SNX30: variants seen among roughly 807,000 people sequenced by gnomAD.
SNX30 encodes the protein sorting nexin family member 30.
SNX30 carries 24 observed loss-of-function variants against 46.4 expected under a neutral mutation model. The observed-to-expected ratio is 0.52, with a 90% CI of 0.37 to 0.73. The LOEUF (loss-of-function observed/expected upper bound fraction) is 0.73. Among genes scored for constraint, SNX30 ranks in the 30% least tolerant of loss-of-function variants. The probability of loss-of-function intolerance (pLI) is 0.00; values close to 1 mark genes in which losing one functional copy is unlikely to be tolerated. For missense variants in SNX30, 533 were observed against 555.7 expected, an observed-to-expected ratio of 0.96 and a Z score of 0.41; for synonymous variants, 189 against 211.5, an observed-to-expected ratio of 0.89 and a Z score of 0.92.
At chr9:112,852,280 G>A (rs1351959256) in intron 7 of SNX30, among the ~76,000 whole-genome samples, 3 of 152,134 alleles carry the variant, frequency 2.0e-5, no homozygotes, top group African/African-American at 7.2e-5. Context: ...GGATTTTGGG[G>A]CATTTTGGGT....
At chr9:112,777,416 A>G (rs1304844594) in intron 1 of SNX30, among the ~76,000 whole-genome samples, 2 of 150,394 alleles carry the variant, frequency 1.3e-5, no homozygotes, top group Non-Finnish European at 2.9e-5. Flanking sequence ...ATCTTTTTAA[A>G]GATATTTATT....
intron 3 of SNX30, among the ~76,000 whole-genome samples, chr9:112,824,855 A>G (rs1840557842): frequency 6.6e-6 from 1 of 152,182 alleles, no homozygotes; most frequent in African/African-American, 2.4e-5. Flanking sequence ...GAAGTGTCCA[A>G]TTCAGTGACT....
chr9:112,816,641 A>T (rs951327049), intron 2 of SNX30, among the ~76,000 whole-genome samples: 1 of 152,182 alleles, frequency 6.6e-6, no homozygotes, highest in African/African-American at 2.4e-5. Context: ...ATAATTTTTG[A>T]TGCTAGAGCT....
At chr9:112,806,432 G>C (rs1840225125) in intron 2 of SNX30, among the ~76,000 whole-genome samples, 1 of 152,064 alleles carries the variant, frequency 6.6e-6, no homozygotes. Context: ...GATATTTTTG[G>C]AACCTTTAAT....
chr9:112,809,887 G>A (rs1410559663), intron 2 of SNX30, among the ~76,000 whole-genome samples: 1 of 151,758 alleles, frequency 6.6e-6, no homozygotes, highest in Non-Finnish European at 1.5e-5. Context: ...TTGGACTGCT[G>A]CTGTTTTTAA....
At position 112,870,302 on chromosome 9, in the gene SNX30, G is replaced by C. The variant is rs1281726352; in HGVS notation, c.*1459G>C. On this transcript the variant is annotated 3_prime_UTR_variant, in exon 9 of 9. Transcript: ENST00000374232. Reference sequence around the variant, plus strand: ...TTTGTTGTTTATTTTTAATGAAACAGCTGTGTTAAGGCGCTGCTTCAGATG... The same window carrying C: ...TTTGTTGTTTATTTTTAATGAAACACCTGTGTTAAGGCGCTGCTTCAGATG... 1 of 152,080 alleles carries C rather than the reference G, an allele frequency of 6.6e-6. No homozygotes were observed. Among genetic ancestry groups the C allele is most frequent in the Non-Finnish European group, 1.5e-5 (1 of 68,016 alleles). The allele number at this position is 152,080 out of a possible 1,614,324, so 9.4% of individuals were successfully genotyped here. A position where few individuals can be genotyped will look rare whatever the true frequency, so the allele number is the denominator to read the frequency against.
chr9:112,766,159 A>G (rs1279863231), intron 1 of SNX30, among the ~76,000 whole-genome samples: 2 of 152,170 alleles, frequency 1.3e-5, no homozygotes, highest in Admixed American at 6.6e-5. Context: ...ACCATGCCGT[A>G]TATTAGGTCT....
intron 1 of SNX30, among the ~76,000 whole-genome samples, chr9:112,794,192 G>A (rs574465274): frequency 7.9e-5 from 12 of 151,638 alleles, no homozygotes; most frequent in African/African-American, 1.2e-4. Flanking sequence ...TGCTCTTGTC[G>A]CATAGGTTGG....
rs56856142 is a variant in SNX30 at position 112,817,401 on chromosome 9, C to CTTTTTTTTTTTTTTTTTTT, written c.349-292_349-274dup. ...CGGTAGGGAAAAAAAAAAAAACTGG[C>CTTTTTTTTTTTTTTTTTTT]TTTTTTTTTTTTTTTTTTTTTTTTT... On this transcript the variant is annotated intron_variant, in intron 2 of 8. Coordinates refer to ENST00000374232, the MANE Select transcript of SNX30 (RefSeq NM_001012994.2). Among the ~76,000 whole-genome samples, 120 of 46,836 alleles carry CTTTTTTTTTTTTTTTTTTT rather than the reference C, an allele frequency of 2.6e-3. 27 individuals carry two copies. The highest frequency in any genetic ancestry group is 0.012 in the East Asian group (9 of 772). The allele number at this position is 46,836 out of a possible 152,430, so 30.7% of individuals were successfully genotyped here.
chr9:112,767,124 AT>A (rs56245252), intron 1 of SNX30, among the ~76,000 whole-genome samples: 5,833 of 149,596 alleles, frequency 0.039, 381 homozygotes, highest in African/African-American at 0.13. Flanking sequence ...TAATTATTTT[AT>A]TTTTTTTTTT....
chr9:112,825,517 C>T (rs1169079767), intron 3 of SNX30, among the ~76,000 whole-genome samples: 4 of 152,082 alleles, frequency 2.6e-5, no homozygotes, highest in East Asian at 1.9e-4. Flanking sequence ...TGGTCTGGAG[C>T]TCCTAGCCTC....
chr9:112,830,724 G>A lies in SNX30; in HGVS notation c.460-1G>A. 6.2e-7 allele frequency: 1 copy of A among 1,607,786 alleles called. No individual in the cohort carries two copies. Among genetic ancestry groups the A allele is most frequent in the Admixed American group, 1.7e-5 (1 of 58,178 alleles). On this transcript the variant is annotated splice_acceptor_variant, in intron 3 of 8. Transcript: ENST00000374232. LOFTEE classifies it high-confidence loss of function. ...TGGTTTTTTTCTTCATGTCTTCATA[G>A]CCTCTTCCCGAGAAGTTTGTGGTAA...
chr9:112,879,637 A>C, downstream of SNX30: 1 of 844,452 alleles, frequency 1.2e-6, no homozygotes, highest in Non-Finnish European at 1.9e-6. Context: ...TCTGAGGCCA[A>C]CTCTGGCTGG....
chr9:112,760,474 G>C (rs1839418021), intron 1 of SNX30, among the ~76,000 whole-genome samples: 1 of 152,194 alleles, frequency 6.6e-6, no homozygotes, highest in African/African-American at 2.4e-5. Context: ...AGTCTTTCCT[G>C]AGATTTATGA....
Position 112,804,965 on chromosome 9 carries a change from A to G in SNX30, c.346A>G (p.Lys116Glu). 1 of 1,589,614 alleles carries G rather than the reference A, an allele frequency of 6.3e-7. No individual in the cohort carries two copies. Among genetic ancestry groups the G allele is most frequent in the Non-Finnish European group, 8.6e-7 (1 of 1,164,044 alleles). The stretch of plus-strand genomic sequence containing the variant: ...TTACATCACCTATAGGATCACCACC[A>G]AAGTAGGTCCCTGTGTTATAGAATG... ...ETYITYRITT[K>E]STRVEFDLPE... The change falls in exon 2 of 9, where the codon AAA becomes GAA. Residue 116 changes from lysine to glutamate, a missense_variant and splice_region_variant. Coordinates refer to ENST00000374232, the MANE Select transcript of SNX30 (RefSeq NM_001012994.2).
intron 1 of SNX30, among the ~76,000 whole-genome samples, chr9:112,773,684 AAAC>A (rs1839691052): frequency 1.3e-5 from 2 of 152,340 alleles, no homozygotes; most frequent in South Asian, 4.1e-4. Context: ...GGGGAAGGGG[AAAC>A]AACCAGTTCT....
chr9:112,763,115 G>A (rs1027157037), intron 1 of SNX30, among the ~76,000 whole-genome samples: 3 of 152,050 alleles, frequency 2.0e-5, no homozygotes, highest in Non-Finnish European at 4.4e-5. Context: ...GTGTGATCAG[G>A]GTGAGGGGTT....
At chr9:112,843,447 G>A (rs768818925) in intron 6 of SNX30, among the ~76,000 whole-genome samples, 5 of 152,056 alleles carry the variant, frequency 3.3e-5, no homozygotes, top group African/African-American at 9.7e-5. Context: ...AGTGAGCTGC[G>A]CAAGGGTCGG....
chr9:112,879,460 C>A, downstream of SNX30: 1 of 299,100 alleles, frequency 3.3e-6, no homozygotes, highest in Admixed American at 4.5e-5. Context: ...CCTCACAGGG[C>A]CTGGGACTGC....
Sources: allele counts gnomAD v4.1 joint callset (sites outside exome capture counted in the v4.1 genomes callset), GRCh38; gene constraint gnomAD v4.1.1; transcripts MANE v1.5; gene names NCBI Gene and HGNC (gene_info 2026-07-23, HGNC 2026-07-21).